DMXL2: variants seen among roughly 807,000 people sequenced by gnomAD.
The protein encoded by DMXL2 is dmX-like protein 2.
In DMXL2, 103 loss-of-function variants were observed where a neutral mutation model predicts 331.1. The ratio of observed to expected loss-of-function variants is 0.31; its 90% confidence interval spans 0.27 to 0.37. The LOEUF (loss-of-function observed/expected upper bound fraction) is 0.37. DMXL2 is among the 10% of genes least tolerant of loss of function. The probability of loss-of-function intolerance (pLI) is 1.00; values close to 1 mark genes in which losing one functional copy is unlikely to be tolerated. For synonymous variants in DMXL2, 1,281 were observed against 1,252.1 expected (o/e 1.02, Z -0.49); for missense variants, 3,171 against 3,642.9 (o/e 0.87, Z 3.33).
rs1823121575 is a variant in DMXL2, at chr15:51,556,285, G to A, written c.567+7096C>T. On this transcript the variant is annotated intron_variant, in intron 6 of 43. Coordinates refer to ENST00000560891, the MANE Select transcript of DMXL2 (RefSeq NM_001378457.1). ...GTGAACCCAGGAGGCAGAGCTTGCA[G>A]TGAGCCGAGATCGCGCCACTGCACT... Among the ~76,000 whole-genome samples the A allele has an allele frequency of 2.0e-5, 3 of 147,532 alleles. No individual in the cohort carries two copies. The South Asian group carries it at 6.5e-4, about 32-fold the overall frequency.
chr15:51,618,588 A>T (rs1478463901), intron 1 of DMXL2, among the ~76,000 whole-genome samples: 1 of 152,204 alleles, frequency 6.6e-6, no homozygotes. Context: ...AATACCAGGT[A>T]CGTTTTCCTG....
chr15:51,524,042 G>C (rs1360226304), intron 13 of DMXL2, among the ~76,000 whole-genome samples: 1 of 152,178 alleles, frequency 6.6e-6, no homozygotes, highest in Non-Finnish European at 1.5e-5. Context: ...TCTTTTAAGT[G>C]CTTAGTGAGT....
At chr15:51,532,035 G>A (rs1050089296) in intron 13 of DMXL2, among the ~76,000 whole-genome samples, 4 of 152,066 alleles carry the variant, frequency 2.6e-5, no homozygotes, top group African/African-American at 4.8e-5. Context: ...ATACCCAAAA[G>A]AACGAAAATT....
intron 27 of DMXL2, among the ~76,000 whole-genome samples, chr15:51,475,686 G>C (rs1306401526): frequency 2.0e-5 from 3 of 151,974 alleles, no homozygotes; most frequent in Admixed American, 1.3e-4. Context: ...GTTACATATG[G>C]GCCCCCAAAA....
chr15:51,466,367 A>C (rs1043865010), intron 29 of DMXL2, 56 bp from the exon 30 acceptor site: 1 of 666,354 alleles, frequency 1.5e-6, no homozygotes, highest in Non-Finnish European at 2.1e-6. Flanking sequence ...AAACATATAA[A>C]ATATATTTTA....
intron 37 of DMXL2, among the ~76,000 whole-genome samples, chr15:51,456,690 C>A (rs1424833373): frequency 6.6e-6 from 1 of 152,190 alleles, no homozygotes; most frequent in African/African-American, 2.4e-5. Flanking sequence ...AAGAATGGGA[C>A]CCCTCCAGCT....
intron 17 of DMXL2, 75 bp downstream of exon 17, chr15:51,502,731 T>C (rs2043761698): frequency 1.1e-6 from 1 of 932,064 alleles, no homozygotes; most frequent in Non-Finnish European, 1.7e-6. Context: ...GAAGAGTTCA[T>C]CTATTTTATC....
intron 13 of DMXL2, among the ~76,000 whole-genome samples, chr15:51,521,912 C>A (rs929586261): frequency 6.6e-6 from 1 of 152,132 alleles, no homozygotes; most frequent in Non-Finnish European, 1.5e-5. Context: ...TGAGTGAAAA[C>A]AAATTACACT....
chr15:51,552,617 T>C (rs1355421773), intron 6 of DMXL2, among the ~76,000 whole-genome samples: 2 of 152,202 alleles, frequency 1.3e-5, no homozygotes, highest in African/African-American at 2.4e-5. Context: ...TGTCACATTC[T>C]CCTGGTTTTC....
chr15:51,560,663 A>G (rs544326827), intron 6 of DMXL2, among the ~76,000 whole-genome samples: 1 of 149,204 alleles, frequency 6.7e-6, no homozygotes, highest in African/African-American at 2.4e-5. Context: ...ATTGAGACTC[A>G]GTCTCAAAAA....
intron 13 of DMXL2, among the ~76,000 whole-genome samples, chr15:51,521,066 T>G (rs115822422): frequency 9.5e-4 from 145 of 152,198 alleles, no homozygotes; most frequent in African/African-American, 3.3e-3. Flanking sequence ...ATACTCACAT[T>G]TCATCAATTT....
chr15:51,511,203 T>C (rs576478709), intron 15 of DMXL2, among the ~76,000 whole-genome samples: 1 of 152,136 alleles, frequency 6.6e-6, no homozygotes, highest in Non-Finnish European at 1.5e-5. Context: ...GGGTTCTAAT[T>C]AAACTAAAGA....
At chr15:51,532,426 TA>T (rs1276558494) in intron 13 of DMXL2, among the ~76,000 whole-genome samples, 1 of 152,072 alleles carries the variant, frequency 6.6e-6, no homozygotes, top group Non-Finnish European at 1.5e-5. Context: ...GGTTAATGTG[TA>T]CAAAAAAATA....
rs768229260 is a variant in DMXL2, at chr15:51,500,085, G to A, written c.3139C>T (p.His1047Tyr). ...TTCATCAAAGGCCATCTCTTCCAAT[G>A]ATAAATTTCTTTCTCATCACTTTTA... Reference protein sequence around the residue: ...CNKSDEKEIYHWKRWPLMNDE... With the variant: ...CNKSDEKEIYYWKRWPLMNDE... Residue 1047 changes from histidine to tyrosine, a missense_variant, in exon 18 of 44, where the codon CAT (histidine) becomes TAT (tyrosine). By Grantham distance (83) the His-to-Tyr change is moderately conservative. Coordinates refer to ENST00000560891, the MANE Select transcript of DMXL2 (RefSeq NM_001378457.1). 5.6e-6 allele frequency: 9 copies of A among 1,614,108 alleles called. No homozygotes were observed. The South Asian group carries it at 9.9e-5, about 18-fold the overall frequency.
Position 51,568,546 on chromosome 15 carries a change from A to G in DMXL2, c.226T>C (p.Tyr76His). ...SNQQGRIAASYGNAVCIFEPL... is the reference protein window; with the variant it reads ...SNQQGRIAASHGNAVCIFEPL... ...TCAAATATACAAACAGCATTACCAT[A>G]TGAAGCTGCAATCTAAAAAAGAATA... The change falls in exon 3 of 44, where the codon TAT (tyrosine) becomes CAT (histidine). Residue 76 changes from tyrosine (Y) to histidine (H), a missense_variant. Tyr to His is a moderately conservative substitution (Grantham distance 83). Transcript: ENST00000560891. 2 of 1,574,042 alleles carry G rather than the reference A, an allele frequency of 1.3e-6. No homozygotes were observed. Among genetic ancestry groups the G allele is most frequent in the Non-Finnish European group, 1.7e-6 (2 of 1,167,956 alleles).
At chr15:51,511,833 A>G (rs1195227552) in intron 15 of DMXL2, among the ~76,000 whole-genome samples, 2 of 152,246 alleles carry the variant, frequency 1.3e-5, no homozygotes, top group Non-Finnish European at 2.9e-5. Flanking sequence ...AATGTAGCAC[A>G]TATACACCAT....
rs2043780284 is a variant in DMXL2, at chr15:51,502,935, T to C, written c.2863A>G (p.Met955Val). Residue 955 changes from methionine to valine, a missense_variant, in exon 17 of 44, where the codon ATG becomes GTG. By Grantham distance (21) the Met-to-Val change is conservative. This residue lies in a region of DMXL2 where 1,674 missense variants were observed against 1,780.2 expected (regional missense o/e 0.94). Coordinates refer to ENST00000560891, the MANE Select transcript of DMXL2 (RefSeq NM_001378457.1). ...SPETSPSVSP[M>V]PHSSSIANLQ... Reference sequence around the variant, plus strand: ...TTGGCAATTGATGAAGAATGTGGCATGGGGCTCACACTAGGAGAGGTTTCT... The same window carrying C: ...TTGGCAATTGATGAAGAATGTGGCACGGGGCTCACACTAGGAGAGGTTTCT... The C allele has an allele frequency of 6.2e-7, 1 of 1,614,004 alleles. No individual in the cohort carries two copies.
Position 51,502,971 on chromosome 15 carries a change from C to T in DMXL2, c.2827G>A (p.Asp943Asn). 1.2e-6 allele frequency: 2 copies of T among 1,613,874 alleles called. No individual in the cohort carries two copies. Among genetic ancestry groups the T allele is most frequent in the East Asian group, 2.2e-5 (1 of 44,862 alleles). The stretch of plus-strand genomic sequence containing the variant: ...CTAGGAGAGGTTTCTGGAGAAGAAT[C>T]TACGTTCTTCTGTCCAGGGACTGAA... ...LLSVPGQKNV[D>N]SSPETSPSVS... The change falls in exon 17 of 44, where the codon GAT becomes AAT. Residue 943 changes from aspartate (D) to asparagine (N), a missense_variant. Physicochemically the swap from Asp to Asn is conservative, Grantham distance 23. Around this residue, in one of 7 missense-constraint regions of DMXL2, gnomAD observed 1,674 missense variants for 1,780.2 expected, o/e 0.94. Coordinates refer to ENST00000560891, the MANE Select transcript of DMXL2 (RefSeq NM_001378457.1).
At chr15:51,478,543 AT>A (rs1935036176) in intron 25 of DMXL2, among the ~76,000 whole-genome samples, 196 bp from the exon 26 acceptor site, 1 of 152,150 alleles carries the variant, frequency 6.6e-6, no homozygotes, top group African/African-American at 2.4e-5. Context: ...AATAAAGCTG[AT>A]TGTTTCAGAC....
Sources: allele counts gnomAD v4.1 joint callset (sites outside exome capture counted in the v4.1 genomes callset), GRCh38; gene constraint gnomAD v4.1.1; regional missense constraint gnomAD v4.1.1; transcripts MANE v1.5; gene names NCBI Gene and HGNC (gene_info 2026-07-23, HGNC 2026-07-21).